Variants in DR1 observed in about 807,000 individuals in gnomAD.
DR1 encodes the protein protein Dr1.
DR1 carries 7 observed loss-of-function variants against 19.9 expected under a neutral mutation model. The observed-to-expected ratio is 0.35, with a 90% CI of 0.20 to 0.66. DR1 has a LOEUF of 0.66. Among genes scored for constraint, DR1 ranks in the 30% least tolerant of loss-of-function variants. The pLI is 0.66. For missense variants in DR1, 98 were observed against 203.7 expected, an observed-to-expected ratio of 0.48 and a Z score of 3.16; for synonymous variants, 76 against 72.5, an observed-to-expected ratio of 1.05 and a Z score of -0.24.
In DR1 at chr1:93,365,698, G is replaced by C. The variant is rs1667119564; in HGVS notation, c.*5059G>C. 1 of 152,184 alleles carries C rather than the reference G, an allele frequency of 6.6e-6. No homozygotes were observed. Among genetic ancestry groups the C allele is most frequent in the Non-Finnish European group, 1.5e-5 (1 of 68,040 alleles). 9.4% of individuals were successfully genotyped at this position (152,184 alleles called of 1,614,324 possible). On this transcript the variant is annotated 3_prime_UTR_variant, in exon 3 of 3. Coordinates refer to ENST00000370272, the MANE Select transcript of DR1 (RefSeq NM_001938.3). ...AAAAGAAATAGGTGATTTGGAAAGA[G>C]GAGGCCCAGGATTAAAATATGTTTC...
Position 93,360,609 on chromosome 1 carries a change from T to C in DR1, c.501T>C (p.Ser167=), listed in dbSNP as rs1406335657. Residue 167 remains serine, a synonymous_variant, in exon 3 of 3, where the codon TCT becomes TCC. Coordinates refer to ENST00000370272, the MANE Select transcript of DR1 (RefSeq NM_001938.3). The part of the protein sequence containing the change: ...SASASNQAGS[S]QDEEDDDDI ...GTGCATCTAATCAGGCGGGATCTTC[T>C]CAGGATGAAGAAGATGATGATGATA... The C allele has an allele frequency of 3.1e-6, 5 of 1,590,904 alleles. No homozygotes were observed. Among genetic ancestry groups the C allele is most frequent in the Non-Finnish European group, 4.3e-6 (5 of 1,172,052 alleles).
At chr1:93,349,782 C>A (rs989222519) in intron 1 of DR1, among the ~76,000 whole-genome samples, 6 of 152,034 alleles carry the variant, frequency 3.9e-5, no homozygotes, top group African/African-American at 1.4e-4. Context: ...GAAAATAGAT[C>A]ACTGGAAAAG....
intron 1 of DR1, among the ~76,000 whole-genome samples, chr1:93,348,513 A>T (rs1666880628): frequency 6.6e-6 from 1 of 152,134 alleles, no homozygotes; most frequent in Non-Finnish European, 1.5e-5. Flanking sequence ...AACACATTAC[A>T]GTCTGTCTTC....
At chr1:93,348,805 T>C (rs1666883238) in intron 1 of DR1, among the ~76,000 whole-genome samples, 1 of 152,044 alleles carries the variant, frequency 6.6e-6, no homozygotes, top group African/African-American at 2.4e-5. Flanking sequence ...AGAATCTACA[T>C]TTTCGCCCAA....
rs1666946606 is a variant in DR1, at chr1:93,353,903, T to G, written c.221-5T>G. 6.3e-7 allele frequency: 1 copy of G among 1,599,220 alleles called. No homozygotes were observed. Among genetic ancestry groups the G allele is most frequent in the African/African-American group, 1.3e-5 (1 of 74,074 alleles). On this transcript the variant is annotated splice_region_variant and splice_polypyrimidine_tract_variant and intron_variant, in intron 1 of 2. Coordinates refer to ENST00000370272, the MANE Select transcript of DR1 (RefSeq NM_001938.3). ...TTTCATATTTTAATATTTTCATTTC[T>G]CTAGCACTAGAAAGTTTGGGATTTG...
chr1:93,359,098 G>C (rs189360703), intron 2 of DR1, among the ~76,000 whole-genome samples: 75 of 152,276 alleles, frequency 4.9e-4, no homozygotes, highest in African/African-American at 1.7e-3. Flanking sequence ...GGAAGACCTT[G>C]AACTCTAGGC....
rs1337131984 is a variant in DR1, at chr1:93,362,843, T to C, written c.*2204T>C. On this transcript the variant is annotated 3_prime_UTR_variant, in exon 3 of 3. Transcript: ENST00000370272. ...GGTTTTTTCTTTTTTTTTTTTTTTT[T>C]TTTTTTTTTTTAGCATTTAAGAGTC... 1.4e-5 allele frequency: 2 copies of C among 145,966 alleles called. No individual in the cohort carries two copies. The highest frequency in any genetic ancestry group is 3.0e-5 in the Non-Finnish European group (2 of 66,306). 9.0% of individuals were successfully genotyped at this position (145,966 alleles called of 1,614,324 possible).
chr1:93,353,875 C>T, intron 1 of DR1, 33 bp from the exon 2 acceptor site: 1 of 1,560,586 alleles, frequency 6.4e-7, no homozygotes, highest in African/African-American at 1.4e-5. Context: ...TGTTTTATCA[C>T]CCTTTCATAT....
rs1294430861 is a variant in DR1, at chr1:93,346,571, G to C, written c.-75G>C. The C allele has an allele frequency of 7.5e-7, 1 of 1,325,078 alleles. No homozygotes were observed. Among genetic ancestry groups the C allele is most frequent in the Non-Finnish European group, 1.1e-6 (1 of 939,610 alleles). The allele number at this position is 1,325,078 out of a possible 1,614,324, so 82.1% of individuals were successfully genotyped here. On this transcript the variant is annotated 5_prime_UTR_variant, in exon 1 of 3. Coordinates refer to ENST00000370272, the MANE Select transcript of DR1 (RefSeq NM_001938.3). ...GATCACTCTCCGAGGGCGACTTTTT[G>C]AGAAATCTCGGTGGAGTAGTGGACC...
Position 93,367,814 on chromosome 1 carries a change from C to G in DR1, c.*7175C>G, listed in dbSNP as rs1053808265. On this transcript the variant is annotated 3_prime_UTR_variant, in exon 3 of 3. Coordinates refer to ENST00000370272, the MANE Select transcript of DR1 (RefSeq NM_001938.3). ...GGATCACGAGGTCAGGAGATAGAGA[C>G]CATCCCGGCCAACATAGTGAAACCT... 8 of 152,244 alleles carry G rather than the reference C, an allele frequency of 5.3e-5. No individual in the cohort carries two copies. The highest frequency in any genetic ancestry group is 1.9e-4 in the African/African-American group (8 of 41,432). 9.4% of individuals were successfully genotyped at this position (152,244 alleles called of 1,614,324 possible). A position where few individuals can be genotyped will look rare whatever the true frequency, so the allele number is the denominator to read the frequency against.
chr1:93,355,510 G>A (rs1666969619), intron 2 of DR1: 1 of 152,192 alleles, frequency 6.6e-6, no homozygotes, highest in East Asian at 1.9e-4. Context: ...CCAAAAGCCT[G>A]TACTGTTTCT....
At chr1:93,346,956 C>G (rs979975667) in intron 1 of DR1, 91 bp downstream of exon 1, 1 of 1,156,518 alleles carries the variant, frequency 8.6e-7, no homozygotes, top group African/African-American at 1.5e-5. Context: ...CTCCATTCCT[C>G]TTCCCTGGTA....
At chr1:93,347,003 A>T in intron 1 of DR1, 138 bp downstream of exon 1, 1 of 744,618 alleles carries the variant, frequency 1.3e-6, no homozygotes, top group Non-Finnish European at 2.2e-6. Flanking sequence ...GCATGTAGGC[A>T]GCCGGTGCTT....
intron 1 of DR1, among the ~76,000 whole-genome samples, chr1:93,353,411 T>C (rs1196950287): frequency 6.6e-6 from 1 of 152,212 alleles, no homozygotes; most frequent in Non-Finnish European, 1.5e-5. Flanking sequence ...ACCAGTATTT[T>C]TTAAACTTGG....
At chr1:93,358,116 TAGAA>T (rs1056359380) in intron 2 of DR1, among the ~76,000 whole-genome samples, 18 of 151,792 alleles carry the variant, frequency 1.2e-4, no homozygotes, top group Non-Finnish European at 2.1e-4. Flanking sequence ...TCTACAAAAA[TAGAA>T]AGAAAGAGGG....
At chr1:93,359,846 T>A (rs1326328438) in intron 2 of DR1, among the ~76,000 whole-genome samples, 1 of 152,124 alleles carries the variant, frequency 6.6e-6, no homozygotes, top group East Asian at 1.9e-4. Flanking sequence ...CTAGTGTGTA[T>A]ACGGGAAGGA....
At chr1:93,352,085 T>C (rs1405307066) in intron 1 of DR1, among the ~76,000 whole-genome samples, 1 of 152,190 alleles carries the variant, frequency 6.6e-6, no homozygotes, top group African/African-American at 2.4e-5. Context: ...TTTTAATTTT[T>C]AAGAGGCAGG....
Position 93,366,424 on chromosome 1 carries a change from C to T in DR1, c.*5785C>T, listed in dbSNP as rs757976989. On this transcript the variant is annotated 3_prime_UTR_variant, in exon 3 of 3. Coordinates refer to ENST00000370272, the MANE Select transcript of DR1 (RefSeq NM_001938.3). ...TTTTGAGTGCACAGATCTGTATATT[C>T]GCAATTGAAATAGGGAAAGTCTTTA... 5 of 152,100 alleles carry T rather than the reference C, an allele frequency of 3.3e-5. No homozygotes were observed. The highest frequency in any genetic ancestry group is 9.6e-5 in the African/African-American group (4 of 41,494). The allele number at this position is 152,100 out of a possible 1,614,324, so 9.4% of individuals were successfully genotyped here.
intron 1 of DR1, among the ~76,000 whole-genome samples, chr1:93,348,765 C>G (rs1666882868): frequency 6.6e-6 from 1 of 151,752 alleles, no homozygotes; most frequent in South Asian, 2.1e-4. Context: ...ACCTTTTTTT[C>G]TTGTATTATG....
Sources: gnomAD v4.1 joint callset for allele counts (sites outside exome capture counted in the v4.1 genomes callset) on GRCh38, gnomAD v4.1.1 for gene constraint, MANE v1.5 for transcripts, NCBI Gene and HGNC (gene_info 2026-07-23, HGNC 2026-07-21) for gene names.